SLC37A1: variants seen among roughly 807,000 people sequenced by gnomAD.
SLC37A1 encodes solute carrier family 37 member 1, also known as glucose-6-phosphate exchanger SLC37A1.
SLC37A1 carries 49 observed loss-of-function variants against 75.3 expected under a neutral mutation model. That is an observed-to-expected ratio of 0.65 (90% CI 0.52 to 0.83). The LOEUF is 0.83. Ranked by LOEUF, SLC37A1 falls within the 40% of genes least tolerant of loss-of-function variation. The pLI is 0.00. For missense variants in SLC37A1, 566 were observed against 695.0 expected (o/e 0.81, Z 2.09); for synonymous variants, 268 against 292.1 (o/e 0.92, Z 0.84).
chr21:42,575,366 GC>G (rs1265748221), intron 18 of SLC37A1: 1 of 985,476 alleles, frequency 1.0e-6, no homozygotes, highest in South Asian at 4.7e-5. Flanking sequence ...CTGCAGCCAT[GC>G]TGTCAGACGG....
chr21:42,574,841 G>A lies in SLC37A1; in HGVS notation c.1447G>A (p.Ala483Thr). The A allele has an allele frequency of 6.2e-7, 1 of 1,614,116 alleles. No homozygotes were observed. Among genetic ancestry groups the A allele is most frequent in the South Asian group, 1.1e-5 (1 of 91,070 alleles). ...SVGAALGPLL[A>T]GLLSPSGWSN... Reference sequence around the variant, plus strand: ...AGGAGCAGCCCTGGGCCCCCTGCTGGCTGGGCTCCTCTCCCCGTCCGGCTG... The same window carrying A: ...AGGAGCAGCCCTGGGCCCCCTGCTGACTGGGCTCCTCTCCCCGTCCGGCTG... Residue 483 changes from alanine (A) to threonine (T), a missense_variant, in exon 18 of 20, where the codon GCT (alanine) becomes ACT (threonine). Physicochemically the swap from Ala to Thr is moderately conservative, Grantham distance 58. Coordinates refer to ENST00000352133, the MANE Select transcript of SLC37A1 (RefSeq NM_001320537.2).
At chr21:42,561,794 C>T (rs932198869) in intron 11 of SLC37A1, 2 of 395,676 alleles carry the variant, frequency 5.1e-6, no homozygotes, top group East Asian at 8.1e-5. Flanking sequence ...GGGCCTGCAC[C>T]CCATGTGACA....
At chr21:42,569,500 CT>C (rs2056068905) in intron 17 of SLC37A1, among the ~76,000 whole-genome samples, 1 of 41,534 alleles carries the variant, frequency 2.4e-5, no homozygotes, top group South Asian at 6.8e-4. Flanking sequence ...GCCGCACTCC[CT>C]CGTGCCGCAC....
intron 3 of SLC37A1, among the ~76,000 whole-genome samples, chr21:42,530,404 G>T (rs1034349404): frequency 3.3e-5 from 5 of 152,136 alleles, no homozygotes; most frequent in Non-Finnish European, 7.4e-5. Flanking sequence ...TGTTGTCTGT[G>T]GGGGAGAGCC....
At chr21:42,526,243 G>A (rs1425995013) in intron 3 of SLC37A1, among the ~76,000 whole-genome samples, 2 of 152,140 alleles carry the variant, frequency 1.3e-5, no homozygotes, top group Non-Finnish European at 2.9e-5. Flanking sequence ...CATTGTTCTT[G>A]GAACGCTGCA....
chr21:42,576,108 T>C (rs1387533272), intron 18 of SLC37A1: 2 of 330,220 alleles, frequency 6.1e-6, no homozygotes, highest in African/African-American at 4.5e-5. Flanking sequence ...ATCAACGGGT[T>C]GGGGTGGTTG....
In SLC37A1 at chr21:42,542,455, C is replaced by T. The variant is rs755037020; in HGVS notation, c.538C>T (p.Leu180Phe). Residue 180 changes from leucine to phenylalanine, a missense_variant, in exon 7 of 20, where the codon CTC (leucine) becomes TTC (phenylalanine). Physicochemically the swap from Leu to Phe is conservative, Grantham distance 22. Coordinates refer to ENST00000352133, the MANE Select transcript of SLC37A1 (RefSeq NM_001320537.2). ...CGGCTGGCCCAGCGTCGTCACCTGC[C>T]TCGGCAACTGGTTTGGAAAAGGAAG... ...TTGWPSVVTC[L>F]GNWFGKGRRG... 2 of 1,614,068 alleles carry T rather than the reference C, an allele frequency of 1.2e-6. No homozygotes were observed. Among genetic ancestry groups the T allele is most frequent in the Admixed American group, 3.3e-5 (2 of 60,022 alleles).
At chr21:42,546,654 A>G (rs1394863592) in intron 8 of SLC37A1, among the ~76,000 whole-genome samples, 3 of 152,242 alleles carry the variant, frequency 2.0e-5, no homozygotes, top group Non-Finnish European at 2.9e-5. Flanking sequence ...GTGGGCTGCC[A>G]GGCCGAGTGA....
chr21:42,552,892 GA>G lies in SLC37A1; in HGVS notation c.769-1168del, dbSNP rs2055592262. On this transcript the variant is annotated intron_variant, in intron 9 of 19. Transcript: ENST00000352133. This position sits in a 1 kb window ranked among gnomAD's most constrained non-coding sequence, Gnocchi z 4.2. Reference sequence around the variant, plus strand: ...AGGAACCCATCTCTGCTTCTGCCTGGAATGGTCGGATGATAAACTGGCCAGA... The same window carrying G: ...AGGAACCCATCTCTGCTTCTGCCTGGATGGTCGGATGATAAACTGGCCAGA... Among the ~76,000 whole-genome samples, 1 of 152,216 alleles carries G rather than the reference GA, an allele frequency of 6.6e-6. No homozygotes were observed. Among genetic ancestry groups the G allele is most frequent in the Non-Finnish European group, 1.5e-5 (1 of 68,038 alleles).
At chr21:42,565,292 T>C (rs1422018692) in intron 14 of SLC37A1, among the ~76,000 whole-genome samples, 3 of 152,236 alleles carry the variant, frequency 2.0e-5, no homozygotes, top group Non-Finnish European at 4.4e-5. Context: ...GTTTTTATCA[T>C]CGTAACATTA....
intron 2 of SLC37A1, among the ~76,000 whole-genome samples, chr21:42,504,625 C>T (rs1233907787): frequency 6.6e-6 from 1 of 152,280 alleles, no homozygotes; most frequent in Non-Finnish European, 1.5e-5. Flanking sequence ...CATGACCCTG[C>T]AAGACAGGCG....
At chr21:42,500,864 C>T (rs909664904) in intron 1 of SLC37A1, among the ~76,000 whole-genome samples, 1 of 152,170 alleles carries the variant, frequency 6.6e-6, no homozygotes, top group African/African-American at 2.4e-5. Flanking sequence ...AATTGGCACC[C>T]AGCAAGGAGG....
intron 1 of SLC37A1, among the ~76,000 whole-genome samples, chr21:42,501,609 G>C (rs1601644351): frequency 6.6e-6 from 1 of 152,336 alleles, no homozygotes; most frequent in African/African-American, 2.4e-5. Context: ...CCACTCAGGA[G>C]GTTGAGGCAG....
chr21:42,556,607 C>T (rs1238389021), intron 10 of SLC37A1, among the ~76,000 whole-genome samples: 2 of 152,202 alleles, frequency 1.3e-5, no homozygotes, highest in Non-Finnish European at 2.9e-5. Flanking sequence ...GCGTGGAGTG[C>T]ACTGGCCACA....
chr21:42,547,059 A>G lies in SLC37A1; in HGVS notation c.731-44A>G, dbSNP rs1026020185. 1.9e-6 allele frequency: 3 copies of G among 1,613,842 alleles called. No homozygotes were observed. Among genetic ancestry groups the G allele is most frequent in the African/African-American group, 1.3e-5 (1 of 74,912 alleles). On this transcript the variant is annotated intron_variant, in intron 8 of 19. Transcript: ENST00000352133. This position sits in a 1 kb window ranked among gnomAD's most constrained non-coding sequence, Gnocchi z 6.1. ...GTTACGTAGCTTACTTGGCATTGCC[A>G]TGGTGGTGGACCTGCTCAGCCTCAC...
At chr21:42,565,937 A>G (rs113095094) in intron 15 of SLC37A1, 62 bp downstream of exon 15, 2 of 1,516,694 alleles carry the variant, frequency 1.3e-6, no homozygotes, top group Admixed American at 1.7e-5. Context: ...CACAGCTGGC[A>G]AGATGAAATA....
intron 17 of SLC37A1, 117 bp from the exon 18 acceptor site, chr21:42,574,701 T>C: frequency 1.1e-6 from 1 of 924,632 alleles, no homozygotes; most frequent in Non-Finnish European, 1.7e-6. Context: ...GTAGTGTAGT[T>C]CCATATGTGT....
At chr21:42,531,226 C>T (rs2054968590) in intron 3 of SLC37A1, among the ~76,000 whole-genome samples, 1 of 152,168 alleles carries the variant, frequency 6.6e-6, no homozygotes, top group Non-Finnish European at 1.5e-5. Flanking sequence ...CCGCCGCCTT[C>T]CCCGCACACT....
Position 42,575,005 on chromosome 21 carries a change from C to A in SLC37A1, c.1521+90C>A, listed in dbSNP as rs937931885. 2.6e-6 allele frequency: 4 copies of A among 1,566,094 alleles called. No individual in the cohort carries two copies. In the East Asian group the frequency reaches 9.2e-5, roughly 36 times the overall value. On this transcript the variant is annotated intron_variant, in intron 18 of 19. Transcript: ENST00000352133. ...CTGGTGGAACTTTCTCCCATGCATTCCTGAGTTATCAGAGAGGTTTGGGTC... is the reference window on the plus strand; with the variant it reads ...CTGGTGGAACTTTCTCCCATGCATTACTGAGTTATCAGAGAGGTTTGGGTC...
Sources: gnomAD v4.1 joint callset for allele counts (sites outside exome capture counted in the v4.1 genomes callset) on GRCh38, gnomAD v4.1.1 for gene constraint, Gnocchi (gnomAD v3.1) non-coding constraint, MANE v1.5 for transcripts, NCBI Gene and HGNC (gene_info 2026-07-23, HGNC 2026-07-21) for gene names.